PRR5: variants seen among roughly 807,000 people sequenced by gnomAD.
PRR5 encodes the protein proline-rich protein 5.
PRR5 carries 25 observed loss-of-function variants against 30.6 expected under a neutral mutation model. The observed-to-expected ratio is 0.82, with a 90% CI of 0.60 to 1.14. The LOEUF is 1.14. PRR5 is among the 50% of genes most tolerant of loss of function. The pLI, the probability that PRR5 is intolerant of heterozygous loss-of-function variation, is 0.00. For synonymous variants in PRR5, 286 were observed against 247.1 expected (o/e 1.16, Z -1.48); for missense variants, 600 against 547.1 (o/e 1.10, Z -0.96).
At chr22:44,678,637 T>C (rs1366627475) in intron 1 of PRR5, among the ~76,000 whole-genome samples, 1 of 152,182 alleles carries the variant, frequency 6.6e-6, no homozygotes, top group African/African-American at 2.4e-5. Flanking sequence ...AAGCCGCTGC[T>C]GGAAGGCATC....
intron 2 of PRR5, among the ~76,000 whole-genome samples, chr22:44,721,471 T>C (rs574427231): frequency 1.3e-5 from 2 of 152,336 alleles, no homozygotes; most frequent in South Asian, 4.1e-4. Flanking sequence ...TACAAAGTTA[T>C]ACTCCTATGC....
upstream of PRR5, among the ~76,000 whole-genome samples, chr22:44,701,984 C>T (rs187778740): frequency 1.6e-4 from 24 of 152,172 alleles, no homozygotes; most frequent in African/African-American, 2.9e-4. Flanking sequence ...CCTGTGGGCA[C>T]GTGGGGCCCT....
intron 1 of PRR5, chr22:44,679,979 A>G: frequency 1.7e-6 from 2 of 1,163,394 alleles, no homozygotes; most frequent in South Asian, 2.9e-5. Flanking sequence ...GGTGAGTAGG[A>G]CGGCGAGAGA....
rs199815736 is a variant in PRR5 at position 44,736,969 on chromosome 22, G to T, written c.889G>T (p.Asp297Tyr). 1 of 1,601,714 alleles carries T rather than the reference G, an allele frequency of 6.2e-7. No homozygotes were observed. Residue 297 changes from aspartate (D) to tyrosine (Y), a missense_variant, in exon 8 of 8, where the codon GAC (aspartate) becomes TAC (tyrosine). Coordinates refer to ENST00000336985, the MANE Select transcript of PRR5 (RefSeq NM_181333.4). ...CTGCCCCGAGCCTCAGGGCTTCTCC[G>T]ACCCGCCCGGCCAGGGCCCCACCGG... Reference protein sequence around the residue: ...TSCPEPQGFSDPPGQGPTGTF... With the variant: ...TSCPEPQGFSYPPGQGPTGTF...
At chr22:44,692,235 G>A (rs1378248593) in intron 1 of PRR5, among the ~76,000 whole-genome samples, 38 of 115,654 alleles carry the variant, frequency 3.3e-4, no homozygotes, top group Middle Eastern at 6.8e-3. Flanking sequence ...TCCACCTGGC[G>A]CTCCTCCACC....
intron 1 of PRR5, among the ~76,000 whole-genome samples, chr22:44,683,567 G>A (rs371106153): frequency 8.5e-5 from 13 of 152,322 alleles, no homozygotes; most frequent in South Asian, 6.2e-4. Context: ...CCAGCACCCC[G>A]AAGGAGGGCA....
At chr22:44,704,816 T>G (rs1008146353) in intron 1 of PRR5, among the ~76,000 whole-genome samples, 2 of 151,170 alleles carry the variant, frequency 1.3e-5, no homozygotes, top group Non-Finnish European at 1.5e-5. Context: ...GCGCCCCAGC[T>G]CTCCTCCCCA....
chr22:44,701,812 G>C (rs1043501434), upstream of PRR5, among the ~76,000 whole-genome samples: 1 of 152,226 alleles, frequency 6.6e-6, no homozygotes, highest in Non-Finnish European at 1.5e-5. Flanking sequence ...CTGTGTTCAG[G>C]TGAGGGGTAC....
upstream of PRR5, among the ~76,000 whole-genome samples, chr22:44,700,732 C>T (rs1926190141): frequency 6.6e-6 from 1 of 152,218 alleles, no homozygotes; most frequent in African/African-American, 2.4e-5. Context: ...TCCCGCTTTA[C>T]TGATGAGCAA....
chr22:44,720,798 G>T (rs1274731691), intron 2 of PRR5, among the ~76,000 whole-genome samples: 1 of 152,168 alleles, frequency 6.6e-6, no homozygotes, highest in Non-Finnish European at 1.5e-5. Context: ...CCTCACCCCT[G>T]CCCAGAGAAG....
rs747242549 is a variant in PRR5 at position 44,736,893 on chromosome 22, G to A, written c.813G>A (p.Ala271=). 3.5e-5 allele frequency: 57 copies of A among 1,608,814 alleles called. No homozygotes were observed. Among genetic ancestry groups the A allele is most frequent in the African/African-American group, 6.7e-5 (5 of 74,910 alleles). Residue 271 remains alanine, a synonymous_variant, in exon 8 of 8, where the codon GCG becomes GCA. Transcript: ENST00000336985. The stretch of plus-strand genomic sequence containing the variant: ...TGCAGGAGCACGAGGCGGAGGGCGC[G>A]GCGGCCGGCGGTACCAGCATCCGCA... ...NPVQEHEAEG[A]AAGGTSIRRH...
chr22:44,729,619 G>C, intron 4 of PRR5: 1 of 985,434 alleles, frequency 1.0e-6, no homozygotes, highest in South Asian at 4.7e-5. Context: ...GAACTTCCTG[G>C]GGTCGCCCCA....
At chr22:44,733,879 T>C (rs1443604143) in intron 6 of PRR5, among the ~76,000 whole-genome samples, 2 of 152,202 alleles carry the variant, frequency 1.3e-5, no homozygotes, top group Non-Finnish European at 1.5e-5. Flanking sequence ...GGACGTGGCC[T>C]GGACCGTGCC....
intron 1 of PRR5, among the ~76,000 whole-genome samples, chr22:44,710,399 TG>T (rs891676520): frequency 6.6e-5 from 10 of 151,980 alleles, no homozygotes; most frequent in African/African-American, 1.2e-4. Context: ...CTGCTGGGGC[TG>T]GGGGGGCTTC....
chr22:44,674,415 C>T (rs953914424), upstream of PRR5, among the ~76,000 whole-genome samples: 1 of 151,900 alleles, frequency 6.6e-6, no homozygotes, highest in Non-Finnish European at 1.5e-5. Flanking sequence ...ATGGGTGGAT[C>T]GCCTGAGGTC....
At chr22:44,709,507 C>G (rs2147050663) in intron 1 of PRR5, among the ~76,000 whole-genome samples, 1 of 152,264 alleles carries the variant, frequency 6.6e-6, no homozygotes, top group Non-Finnish European at 1.5e-5. Context: ...CCGCCCGAGC[C>G]TCCAGAAGGA....
chr22:44,689,710 G>C (rs936165432), intron 1 of PRR5, among the ~76,000 whole-genome samples: 1 of 152,188 alleles, frequency 6.6e-6, no homozygotes, highest in South Asian at 2.1e-4. Context: ...GTGCAGTGGC[G>C]TGATCTCGGC....
intron 7 of PRR5, 94 bp from the exon 8 acceptor site, chr22:44,736,678 T>TG: frequency 3.4e-6 from 5 of 1,480,648 alleles, no homozygotes; most frequent in Non-Finnish European, 4.5e-6. Flanking sequence ...CAGCTGCCCC[T>TG]GCACAGGGAC....
At chr22:44,679,547 A>G in intron 1 of PRR5, 1 of 326,094 alleles carries the variant, frequency 3.1e-6, no homozygotes, top group East Asian at 6.1e-5. Context: ...TCTACTAAAA[A>G]TACAAAAAAA....
Sources: gnomAD v4.1 joint callset for allele counts (sites outside exome capture counted in the v4.1 genomes callset) on GRCh38, gnomAD v4.1.1 for gene constraint, MANE v1.5 for transcripts, NCBI Gene and HGNC (gene_info 2026-07-23, HGNC 2026-07-21) for gene names.